The following CACNA1S variants were observed in gnomAD, a reference collection of about 807,000 sequenced individuals.
CACNA1S encodes voltage-dependent L-type calcium channel subunit alpha-1S.
A neutral mutation model predicts 207.4 loss-of-function variants in CACNA1S; 126 were observed. The ratio of observed to expected loss-of-function variants is 0.61; its 90% CI spans 0.53 to 0.70. CACNA1S has a LOEUF of 0.70. Ranked by LOEUF, CACNA1S falls within the 30% of genes least tolerant of loss-of-function variation. The pLI, the probability that CACNA1S is intolerant of heterozygous loss-of-function variation, is 0.00. For missense variants in CACNA1S, 2,349 were observed against 2,422.8 expected, an observed-to-expected ratio of 0.97 and a Z score of 0.64; for synonymous variants, 960 against 932.7, an observed-to-expected ratio of 1.03 and a Z score of -0.53.
chr1:201,071,052 A>G (rs9427711), intron 16 of CACNA1S, among the ~76,000 whole-genome samples: 120,835 of 151,946 alleles, frequency 0.8, 48,248 homozygotes, highest in East Asian at 0.97. Flanking sequence ...ACATTCACTG[A>G]GTCTCATGAC....
rs754037624 is a variant in CACNA1S, at chr1:201,082,029, A to ATTTT, written c.1393+1129_1393+1132dup. 1.3e-4 allele frequency among the ~76,000 whole-genome samples: 17 copies of ATTTT among 126,746 alleles called. 1 individual carries two copies. Among genetic ancestry groups the ATTTT allele is most frequent in the African/African-American group, 2.7e-4 (9 of 33,552 alleles). 83.2% of individuals were successfully genotyped at this position (126,746 alleles called of 152,430 possible). On this transcript the variant is annotated intron_variant, in intron 10 of 43. Transcript: ENST00000362061. ...TTATAAATTACCCAGTCTCAGGTGC[A>ATTTT]TTTTTTTTTTTTTTTTTTGAGACAG...
chr1:201,084,105 T>A (rs189454894), intron 9 of CACNA1S, among the ~76,000 whole-genome samples: 29 of 152,314 alleles, frequency 1.9e-4, no homozygotes, highest in African/African-American at 6.7e-4. Flanking sequence ...CAATAGATAA[T>A]TTTAAGTAAA....
chr1:201,099,177 C>T (rs995476770), intron 2 of CACNA1S, among the ~76,000 whole-genome samples: 3 of 152,218 alleles, frequency 2.0e-5, no homozygotes, highest in Non-Finnish European at 4.4e-5. Context: ...GGGTTTTCCT[C>T]CAAAGGGATC....
chr1:201,076,903 G>A lies in CACNA1S; in HGVS notation c.1827+17C>T, dbSNP rs373219605. On this transcript the variant is annotated intron_variant, in intron 12 of 43. Coordinates refer to ENST00000362061, the MANE Select transcript of CACNA1S (RefSeq NM_000069.3). ...AGCAACCGTTCAGAAGGAGGGACAC[G>A]CAGAGGGAGAGCCTACCTGGAAGAC... 2.2e-5 allele frequency: 36 copies of A among 1,609,234 alleles called. No homozygotes were observed. The highest frequency in any genetic ancestry group is 5.3e-5 in the African/African-American group (4 of 74,848).
chr1:201,060,716 T>C lies in CACNA1S; in HGVS notation c.3356A>G (p.Tyr1119Cys). The change falls in exon 26 of 44, where the codon TAC (tyrosine) becomes TGC (cysteine). Residue 1119 changes from tyrosine to cysteine, a missense_variant. Coordinates refer to ENST00000362061, the MANE Select transcript of CACNA1S (RefSeq NM_000069.3). ...GAGGGCAAACATCAGGTATTCAAAG[T>C]AGGAGGAGGTGACAATGTACCACAC... is the stretch of plus-strand genomic sequence containing the variant. ...YQVWYIVTSS[Y>C]FEYLMFALIM... The C allele has an allele frequency of 2.5e-6, 4 of 1,614,142 alleles. No homozygotes were observed. Among genetic ancestry groups the C allele is most frequent in the East Asian group, 2.2e-5 (1 of 44,876 alleles).
chr1:201,066,353 C>T lies in CACNA1S; in HGVS notation c.2658-37G>A, dbSNP rs1055575387. On this transcript the variant is annotated intron_variant, in intron 20 of 43. Coordinates refer to ENST00000362061, the MANE Select transcript of CACNA1S (RefSeq NM_000069.3). The surrounding 1 kb of genome is among the most constrained non-coding windows in gnomAD (Gnocchi z 4.3). ...CAATGGTGAGGGGGCTGAGGGCAGC[C>T]TGCTCCAGCCAGCCCAGTCTGCGGT... 1 of 1,566,448 alleles carries T rather than the reference C, an allele frequency of 6.4e-7. No individual in the cohort carries two copies. The highest frequency in any genetic ancestry group is 1.4e-5 in the African/African-American group (1 of 74,072).
intron 10 of CACNA1S, among the ~76,000 whole-genome samples, chr1:201,081,498 C>A (rs1236301323): frequency 6.6e-6 from 1 of 152,188 alleles, no homozygotes; most frequent in African/African-American, 2.4e-5. Flanking sequence ...TGGACGAGGC[C>A]GACTCACTGA....
In CACNA1S at chr1:201,039,693, C is replaced by T. The variant is rs1270015521; in HGVS notation, c.*138G>A. 6 of 1,203,096 alleles carry T rather than the reference C, an allele frequency of 5.0e-6. No homozygotes were observed. The highest frequency in any genetic ancestry group is 4.5e-5 in the African/African-American group (3 of 67,126). 74.5% of individuals were successfully genotyped at this position (1,203,096 alleles called of 1,614,324 possible). A position where few individuals can be genotyped will look rare whatever the true frequency, so the allele number is the denominator to read the frequency against. On this transcript the variant is annotated 3_prime_UTR_variant, in exon 44 of 44. Transcript: ENST00000362061. ...CGCACTTTTTGAGGTGGTTCCTGAC[C>T]ACCCTGCCTCAGGCCATGCATCTAG...
At chr1:201,040,111 G>A (rs1158534449) in intron 43 of CACNA1S, 29 bp from the exon 44 acceptor site, 3 of 1,613,356 alleles carry the variant, frequency 1.9e-6, no homozygotes, top group Non-Finnish European at 2.5e-6. Context: ...GCTGAGTGGG[G>A]TCTTCCTGGG....
At position 201,075,620 on chromosome 1, in the gene CACNA1S, A is replaced by G. The variant is rs1998721; in HGVS notation, c.1828-5T>C. The G allele has an allele frequency of 0.78, 1,252,838 of 1,613,192 alleles. 490,367 individuals carry two copies. Among genetic ancestry groups the G allele is most frequent in the East Asian group, 0.96 (43,259 of 44,868 alleles). ...CCAGTCTTCCCCTGTCAGTACCTGT[A>G]TGGAGGGAGGATAGAGGGCTCGGGA... On this transcript the variant is annotated splice_polypyrimidine_tract_variant and splice_region_variant and intron_variant, in intron 12 of 43. Transcript: ENST00000362061.
At position 201,052,592 on chromosome 1, in the gene CACNA1S, G is replaced by C; in HGVS notation, c.3918C>G (p.Phe1306Leu). The change falls in exon 32 of 44, where the codon TTC becomes TTG. Residue 1306 changes from phenylalanine to leucine, a missense_variant. Transcript: ENST00000362061. ...GTAGCACAGCTTGTGGGAAGGTCTGGAAGTTGTTGTTCCGGTTTATTTGGG... is the reference window on the plus strand; with the variant it reads ...GTAGCACAGCTTGTGGGAAGGTCTGCAAGTTGTTGTTCCGGTTTATTTGGG... ...DGTQINRNNN[F>L]QTFPQAVLLL... 1 of 1,614,034 alleles carries C rather than the reference G, an allele frequency of 6.2e-7. No homozygotes were observed.
chr1:201,098,155 C>T (rs894833203), intron 2 of CACNA1S, among the ~76,000 whole-genome samples: 2 of 152,238 alleles, frequency 1.3e-5, no homozygotes, highest in African/African-American at 2.4e-5. Context: ...AGGGACTTAG[C>T]TCTGTTCACT....
chr1:201,049,207 T>C, intron 34 of CACNA1S, 108 bp from the exon 35 acceptor site: 2 of 742,408 alleles, frequency 2.7e-6, no homozygotes, highest in Non-Finnish European at 4.7e-6. Flanking sequence ...CAGGGGAGCA[T>C]TTCCTTATTT....
intron 2 of CACNA1S, among the ~76,000 whole-genome samples, chr1:201,106,558 G>A (rs1662897731): frequency 6.6e-6 from 1 of 152,208 alleles, no homozygotes; most frequent in Admixed American, 6.5e-5. Flanking sequence ...TAGGAAATGA[G>A]TGCTGATGAA....
intron 36 of CACNA1S, 113 bp downstream of exon 36, chr1:201,048,469 A>T: frequency 2.2e-6 from 2 of 923,590 alleles, no homozygotes; most frequent in Non-Finnish European, 3.5e-6. Context: ...TCCTCCCTCT[A>T]CTTCTTCCCA....
chr1:201,073,400 C>A, intron 15 of CACNA1S, 149 bp downstream of exon 15: 1 of 763,542 alleles, frequency 1.3e-6, no homozygotes, highest in Non-Finnish European at 2.4e-6. Flanking sequence ...GCTGGCTCTC[C>A]CTCCAGTCGT....
intron 3 of CACNA1S, among the ~76,000 whole-genome samples, chr1:201,093,120 T>G (rs1662296625): frequency 1.3e-5 from 2 of 152,234 alleles, no homozygotes; most frequent in African/African-American, 4.8e-5. Flanking sequence ...GGTAATGCTA[T>G]GGGTAGAGAT....
Position 201,066,449 on chromosome 1 carries a change from T to G in CACNA1S, c.2658-133A>C. The G allele has an allele frequency of 1.3e-6, 1 of 760,376 alleles. No individual in the cohort carries two copies. The highest frequency in any genetic ancestry group is 2.3e-6 in the Non-Finnish European group (1 of 439,740). 47.1% of individuals were successfully genotyped at this position (760,376 alleles called of 1,614,324 possible). A position where few individuals can be genotyped will look rare whatever the true frequency, so the allele number is the denominator to read the frequency against. ...CCTGAAAACACTCCCACCTTCCCCT[T>G]CCCTTTCCTCCAGCCGTGAGAGTGT... is the stretch of plus-strand genomic sequence containing the variant. On this transcript the variant is annotated intron_variant, in intron 20 of 43. Transcript: ENST00000362061. The surrounding 1 kb of genome is among the most constrained non-coding windows in gnomAD (Gnocchi z 4.3).
intron 38 of CACNA1S, 109 bp downstream of exon 38, chr1:201,047,006 T>TC: frequency 6.9e-7 from 1 of 1,439,462 alleles, no homozygotes; most frequent in Non-Finnish European, 9.8e-7. Context: ...GCTTCCTTTT[T>TC]CCCTCTATGT....
Sources: gnomAD v4.1 joint callset for allele counts (sites outside exome capture counted in the v4.1 genomes callset) on GRCh38, gnomAD v4.1.1 for gene constraint, Gnocchi (gnomAD v3.1) non-coding constraint, MANE v1.5 for transcripts, NCBI Gene and HGNC (gene_info 2026-07-23, HGNC 2026-07-21) for gene names.